CC2D2A: variants seen among roughly 807,000 people sequenced by gnomAD.
CC2D2A encodes coiled-coil and C2 domain containing 2A.
CC2D2A carries 155 observed loss-of-function variants against 212.9 expected under a neutral mutation model. The ratio of observed to expected loss-of-function variants is 0.73; its 90% CI spans 0.64 to 0.83. The LOEUF (loss-of-function observed/expected upper bound fraction) is 0.83, where lower values mean the gene tolerates loss of function less well. Ranked by LOEUF, CC2D2A falls within the 40% of genes least tolerant of loss-of-function variation. CC2D2A has a pLI of 0.00. For synonymous variants in CC2D2A, 667 were observed against 686.5 expected (o/e 0.97, Z 0.44); for missense variants, 1,856 against 1,956.2 (o/e 0.95, Z 0.97).
At chr4:15,592,570 T>A (rs570359484) in intron 33 of CC2D2A, among the ~76,000 whole-genome samples, 1 of 152,348 alleles carries the variant, frequency 6.6e-6, no homozygotes, top group African/African-American at 2.4e-5. Context: ...CTCCGTAGTT[T>A]ACTGATAAAG....
intron 4 of CC2D2A, among the ~76,000 whole-genome samples, chr4:15,491,507 T>C (rs1715302774): frequency 1.3e-5 from 2 of 152,182 alleles, no homozygotes. Context: ...TGGGCTCATG[T>C]GATTCACTTG....
At chr4:15,580,922 CA>C (rs1720633979) in intron 30 of CC2D2A, among the ~76,000 whole-genome samples, 1 of 152,104 alleles carries the variant, frequency 6.6e-6, no homozygotes, top group African/African-American at 2.4e-5. Flanking sequence ...TAAGTATTTT[CA>C]GCATTTAGAC....
At chr4:15,498,193 C>T (rs573226805) in intron 4 of CC2D2A, among the ~76,000 whole-genome samples, 3 of 152,258 alleles carry the variant, frequency 2.0e-5, no homozygotes, top group Middle Eastern at 3.4e-3. Flanking sequence ...TGCTAGGGAG[C>T]AAGAGCAACA....
chr4:15,543,115 G>A (rs574218024), intron 17 of CC2D2A, among the ~76,000 whole-genome samples: 2 of 152,294 alleles, frequency 1.3e-5, no homozygotes, highest in African/African-American at 4.8e-5. Flanking sequence ...GATCTGGGGG[G>A]TGGGTGAGGG....
rs1721585978 is a variant in CC2D2A at position 15,601,307 on chromosome 4, G to A, written c.4745G>A (p.Gly1582Glu). 6.2e-7 allele frequency: 1 copy of A among 1,611,858 alleles called. No homozygotes were observed. Among genetic ancestry groups the A allele is most frequent in the South Asian group, 1.1e-5 (1 of 90,842 alleles). ...KPLIDAVYST[G>E]VHNIDVPNVE... ...TTAATTGACGCTGTGTATAGTACTG[G>A]AGTACATAATATTGATGTTCCTAAT... Residue 1582 changes from glycine to glutamate, a missense_variant, in exon 37 of 37, where the codon GGA becomes GAA. Transcript: ENST00000424120.
chr4:15,516,475 T>C (rs1181981213), intron 10 of CC2D2A, 150 bp from the exon 11 acceptor site: 2 of 657,172 alleles, frequency 3.0e-6, no homozygotes, highest in African/African-American at 3.7e-5. Flanking sequence ...TGATTTCTAA[T>C]GGAAACAGAA....
Position 15,559,157 on chromosome 4 carries a change from A to C in CC2D2A, c.2830-8A>C. On this transcript the variant is annotated splice_region_variant and splice_polypyrimidine_tract_variant and intron_variant, in intron 21 of 36. Coordinates refer to ENST00000424120, the MANE Select transcript of CC2D2A (RefSeq NM_001378615.1). ...TGCTTTAAAATCATTGCCTCTTTTT[A>C]ATTTTAGGACTATGAGAAACGGTTA... 6.6e-7 allele frequency: 1 copy of C among 1,519,608 alleles called. No individual in the cohort carries two copies. The highest frequency in any genetic ancestry group is 8.9e-7 in the Non-Finnish European group (1 of 1,124,764). The allele number at this position is 1,519,608 out of a possible 1,614,324, so 94.1% of individuals were successfully genotyped here. A position where few individuals can be genotyped will look rare whatever the true frequency, so the allele number is the denominator to read the frequency against.
At chr4:15,523,783 C>T (rs938452829) in intron 11 of CC2D2A, among the ~76,000 whole-genome samples, 6 of 152,180 alleles carry the variant, frequency 3.9e-5, no homozygotes, top group African/African-American at 1.4e-4. Context: ...TCTGCAATTG[C>T]AGGCATGACA....
chr4:15,536,923 A>T lies in CC2D2A; in HGVS notation c.1611A>T (p.Glu537Asp), dbSNP rs762714528. The T allele has an allele frequency of 6.2e-7, 1 of 1,613,398 alleles. No individual in the cohort carries two copies. Among genetic ancestry groups the T allele is most frequent in the Admixed American group, 1.7e-5 (1 of 59,972 alleles). The change falls in exon 15 of 37, where the codon GAA becomes GAT. Residue 537 changes from glutamate to aspartate, a missense_variant. By Grantham distance (45) the Glu-to-Asp change is conservative. Around this residue, in one of 5 missense-constraint regions of CC2D2A, gnomAD observed 1,512 missense variants for 1,579.3 expected, o/e 0.96. Transcript: ENST00000424120. The stretch of plus-strand genomic sequence containing the variant: ...GGGACTACAAATTATTTTAAAGGGA[A>T]AAAGCTGACCAGAAAGCAGATGAAG... ...NTPLKLVLRK[E>D]KADQKADEEA...
intron 33 of CC2D2A, among the ~76,000 whole-genome samples, chr4:15,594,168 T>C (rs948432059): frequency 2.6e-5 from 4 of 152,132 alleles, no homozygotes; most frequent in Admixed American, 2.6e-4. Context: ...TTCCTAGGCA[T>C]AAATGACCAC....
At chr4:15,555,564 C>T (rs538040971) in intron 20 of CC2D2A, among the ~76,000 whole-genome samples, 1 of 152,304 alleles carries the variant, frequency 6.6e-6, no homozygotes, top group East Asian at 1.9e-4. Context: ...CATGGCGAAA[C>T]CCTATCTCTG....
Position 15,563,420 on chromosome 4 carries a change from G to C in CC2D2A, c.3080G>C (p.Gly1027Ala). Residue 1027 changes from glycine to alanine, a missense_variant, in exon 24 of 37, where the codon GGT becomes GCT. Gly to Ala is a moderately conservative substitution (Grantham distance 60). Around this residue, in one of 5 missense-constraint regions of CC2D2A, gnomAD observed 1,512 missense variants for 1,579.3 expected, o/e 0.96. Coordinates refer to ENST00000424120, the MANE Select transcript of CC2D2A (RefSeq NM_001378615.1). ...QKRPLRPRRK[G>A]RKKVTAQNLS... ...CGACCACTGCGGCCAAGGAGAAAAGGTCGGAAGAAGGTGACAGCCCAAAAC... is the reference window on the plus strand; with the variant it reads ...CGACCACTGCGGCCAAGGAGAAAAGCTCGGAAGAAGGTGACAGCCCAAAAC... The C allele has an allele frequency of 6.2e-7, 1 of 1,610,102 alleles. No homozygotes were observed. The highest frequency in any genetic ancestry group is 8.5e-7 in the Non-Finnish European group (1 of 1,178,206).
chr4:15,582,518 C>T (rs1720703426), intron 30 of CC2D2A, among the ~76,000 whole-genome samples: 1 of 152,024 alleles, frequency 6.6e-6, no homozygotes, highest in African/African-American at 2.4e-5. Context: ...AAAGGAGACA[C>T]TGCAACTGAT....
At chr4:15,590,317 C>T (rs1421249091) in intron 33 of CC2D2A, among the ~76,000 whole-genome samples, 1 of 152,172 alleles carries the variant, frequency 6.6e-6, no homozygotes, top group Non-Finnish European at 1.5e-5. Context: ...GAGTTCGAGA[C>T]CAGCCTGGCC....
At chr4:15,543,089 G>C (rs1383950928) in intron 17 of CC2D2A, among the ~76,000 whole-genome samples, 2 of 152,072 alleles carry the variant, frequency 1.3e-5, no homozygotes, top group South Asian at 2.1e-4. Flanking sequence ...GTTCTGTCCT[G>C]TACCTTTTAA....
chr4:15,553,073 A>G, intron 18 of CC2D2A, 85 bp from the exon 19 acceptor site: 1 of 1,281,914 alleles, frequency 7.8e-7, no homozygotes, highest in Non-Finnish European at 1.0e-6. Flanking sequence ...TCCAAGTTCC[A>G]TTTGTCTACT....
chr4:15,532,754 T>G (rs1717914540), intron 13 of CC2D2A, among the ~76,000 whole-genome samples: 1 of 152,232 alleles, frequency 6.6e-6, no homozygotes, highest in East Asian at 1.9e-4. Context: ...ATTGAAAATC[T>G]CCAAGGCATG....
At chr4:15,524,909 T>C (rs1717427987) in intron 11 of CC2D2A, among the ~76,000 whole-genome samples, 1 of 152,224 alleles carries the variant, frequency 6.6e-6, no homozygotes, top group African/African-American at 2.4e-5. Context: ...TATCCCTCCT[T>C]GGGAGTAATT....
intron 36 of CC2D2A, among the ~76,000 whole-genome samples, chr4:15,600,635 G>A (rs11722757): frequency 0.2 from 31,043 of 152,034 alleles, 3,423 homozygotes; most frequent in Non-Finnish European, 0.25. Flanking sequence ...GGGCGCTATG[G>A]CTCACACCTG....
Sources: allele counts gnomAD v4.1 joint callset (sites outside exome capture counted in the v4.1 genomes callset), GRCh38; gene constraint gnomAD v4.1.1; regional missense constraint gnomAD v4.1.1; transcripts MANE v1.5; gene names NCBI Gene and HGNC (gene_info 2026-07-23, HGNC 2026-07-21).